Variants in CDH13 observed in about 807,000 individuals in gnomAD.
CDH13 encodes the protein cadherin-13.
Under a neutral mutation model 63.8 loss-of-function variants are expected in CDH13, and 24 were observed. That is an observed-to-expected ratio of 0.38 (90% CI 0.27 to 0.53). The LOEUF (loss-of-function observed/expected upper bound fraction) is 0.53, where lower values mean the gene tolerates loss of function less well. Ranked by LOEUF, CDH13 falls within the 20% of genes least tolerant of loss-of-function variation. CDH13 has a pLI of 0.85. For missense variants in CDH13, 1,049 were observed against 903.1 expected, an observed-to-expected ratio of 1.16 and a Z score of -2.07; for synonymous variants, 503 against 355.3, an observed-to-expected ratio of 1.42 and a Z score of -4.67.
intron 8 of CDH13, among the ~76,000 whole-genome samples, chr16:83,652,902 G>C (rs1022890620): frequency 2.0e-5 from 3 of 152,142 alleles, no homozygotes; most frequent in Non-Finnish European, 2.9e-5. Context: ...AACAGTTCCA[G>C]GTCCATCAAC....
At chr16:83,102,948 C>CTTTTTTTTTTTTTCTTTTTCTTTTT (rs2034565986) in intron 3 of CDH13, among the ~76,000 whole-genome samples, 2 of 69,028 alleles carry the variant, frequency 2.9e-5, no homozygotes. Context: ...TTTTCTTTTT[C>CTTTTTTTTTTTTTCTTTTTCTTTTT]TTTTTTTTTT....
At chr16:82,925,362 C>T (rs1455219375) in intron 2 of CDH13, among the ~76,000 whole-genome samples, 1 of 152,146 alleles carries the variant, frequency 6.6e-6, no homozygotes, top group Non-Finnish European at 1.5e-5. Flanking sequence ...CCCTGTGTTG[C>T]CAGTCCCACC....
chr16:83,455,926 T>C (rs1442247395), intron 6 of CDH13, among the ~76,000 whole-genome samples: 5 of 152,226 alleles, frequency 3.3e-5, no homozygotes, highest in Non-Finnish European at 7.3e-5. Context: ...TCCAATTAAT[T>C]TCATCAACAG....
At chr16:82,992,872 G>T (rs1221176441) in intron 2 of CDH13, among the ~76,000 whole-genome samples, 1 of 152,172 alleles carries the variant, frequency 6.6e-6, no homozygotes, top group Non-Finnish European at 1.5e-5. Context: ...TGGTAAAAAT[G>T]AAGATGCTGG....
intron 1 of CDH13, among the ~76,000 whole-genome samples, chr16:82,788,644 A>G (rs889520317): frequency 1.3e-5 from 2 of 152,150 alleles, no homozygotes; most frequent in Admixed American, 6.5e-5. Context: ...CCCTCGTTCT[A>G]TCTATAGGCC....
Position 83,465,820 on chromosome 16 carries a change from G to A in CDH13, c.782-20657G>A, listed in dbSNP as rs78142627. Among the ~76,000 whole-genome samples the A allele has an allele frequency of 2.9e-3, 437 of 152,288 alleles. 2 individuals are homozygous for A. The highest frequency in any genetic ancestry group is 9.5e-3 in the African/African-American group (393 of 41,558). ...AGCACAATTCACAGGTGTATCAGCCGAGGAAGCATCTCACAAACTCTATTC... is the reference window on the plus strand; with the variant it reads ...AGCACAATTCACAGGTGTATCAGCCAAGGAAGCATCTCACAAACTCTATTC... On this transcript the variant is annotated intron_variant, in intron 6 of 13. Coordinates refer to ENST00000567109, the MANE Select transcript of CDH13 (RefSeq NM_001257.5).
intron 2 of CDH13, among the ~76,000 whole-genome samples, chr16:82,885,133 G>C (rs2040838533): frequency 1.3e-5 from 2 of 152,214 alleles, no homozygotes; most frequent in East Asian, 3.8e-4. Flanking sequence ...ACTTTTGCAA[G>C]AGATGGATAC....
intron 2 of CDH13, among the ~76,000 whole-genome samples, chr16:82,997,963 C>G (rs1484363181): frequency 2.6e-5 from 4 of 152,068 alleles, no homozygotes; most frequent in African/African-American, 7.2e-5. Flanking sequence ...TATATTTAAC[C>G]TACTTAGAAA....
At chr16:83,693,974 C>T (rs560760051) in intron 10 of CDH13, among the ~76,000 whole-genome samples, 1 of 152,138 alleles carries the variant, frequency 6.6e-6, no homozygotes, top group African/African-American at 2.4e-5. Flanking sequence ...CAAAAGAGGA[C>T]GTGACAATTC....
rs371552389 is a variant in CDH13 at position 83,032,346 on chromosome 16, C to T, written c.366+128C>T. 8.4e-5 allele frequency: 61 copies of T among 727,096 alleles called. No individual in the cohort carries two copies. In the African/African-American group the frequency reaches 9.2e-4, roughly 11 times the overall value. 45.0% of individuals were successfully genotyped at this position (727,096 alleles called of 1,614,324 possible). A position where few individuals can be genotyped will look rare whatever the true frequency, so the allele number is the denominator to read the frequency against. Reference sequence around the variant, plus strand: ...CTTTTGTTATTGTTGTTGCAAATGACAGAAATCCAACTCTAAAAATGTAGA... The same window carrying T: ...CTTTTGTTATTGTTGTTGCAAATGATAGAAATCCAACTCTAAAAATGTAGA... On this transcript the variant is annotated intron_variant, in intron 3 of 13. Coordinates refer to ENST00000567109, the MANE Select transcript of CDH13 (RefSeq NM_001257.5).
intron 2 of CDH13, among the ~76,000 whole-genome samples, chr16:82,876,864 A>G (rs2040523947): frequency 6.6e-6 from 1 of 152,224 alleles, no homozygotes; most frequent in African/African-American, 2.4e-5. Flanking sequence ...AGCCCAAACA[A>G]GGGGAGGACT....
Position 83,520,438 on chromosome 16 carries a change from A to C in CDH13, c.960+33783A>C, listed in dbSNP as rs572871445. 8.0e-4 allele frequency among the ~76,000 whole-genome samples: 122 copies of C among 152,292 alleles called. 3 individuals carry two copies. In the South Asian group the frequency reaches 0.023, roughly 28 times the overall value. ...TGTTCTCTCAGTCTGGGTATTAGTT[A>C]CATGGATATATACTTAAGTGGGCTG... On this transcript the variant is annotated intron_variant, in intron 7 of 13. Transcript: ENST00000567109.
intron 1 of CDH13, among the ~76,000 whole-genome samples, chr16:82,793,233 A>T (rs537213880): frequency 6.6e-5 from 10 of 152,304 alleles, no homozygotes; most frequent in African/African-American, 2.2e-4. Flanking sequence ...CAGCATGGGG[A>T]ATTTCAATCA....
chr16:83,290,870 C>G (rs981362224), intron 5 of CDH13, among the ~76,000 whole-genome samples: 2 of 152,138 alleles, frequency 1.3e-5, no homozygotes, highest in Admixed American at 6.5e-5. Flanking sequence ...TCTCTGCCTA[C>G]TGCCTAGAAT....
chr16:82,701,993 C>T (rs2031068359), intron 1 of CDH13, among the ~76,000 whole-genome samples: 1 of 152,142 alleles, frequency 6.6e-6, no homozygotes, highest in Non-Finnish European at 1.5e-5. Flanking sequence ...GAATAAGCGG[C>T]TTACAAAGAG....
At chr16:82,814,619 C>G (rs1019487279) in intron 1 of CDH13, among the ~76,000 whole-genome samples, 2 of 152,164 alleles carry the variant, frequency 1.3e-5, no homozygotes, top group Non-Finnish European at 2.9e-5. Flanking sequence ...CCCTATGCAT[C>G]TCTTGGTGTG....
intron 2 of CDH13, among the ~76,000 whole-genome samples, chr16:82,994,694 A>T (rs1418100678): frequency 6.6e-6 from 1 of 152,210 alleles, no homozygotes; most frequent in Non-Finnish European, 1.5e-5. Context: ...TGAAACTACC[A>T]ATCTCCATTG....
intron 11 of CDH13, among the ~76,000 whole-genome samples, chr16:83,765,220 G>A (rs1473675332): frequency 6.6e-6 from 1 of 152,090 alleles, no homozygotes; most frequent in Non-Finnish European, 1.5e-5. Context: ...CCAGGCAGAG[G>A]GTAGAGTCCC....
chr16:83,344,790 C>G (rs1479451432), intron 5 of CDH13, 72 bp from the exon 6 acceptor site: 4 of 1,557,156 alleles, frequency 2.6e-6, no homozygotes, highest in Non-Finnish European at 3.5e-6. Flanking sequence ...CCTACTTTCT[C>G]TAGAGAACCT....
Sources: allele counts gnomAD v4.1 joint callset (sites outside exome capture counted in the v4.1 genomes callset), GRCh38; gene constraint gnomAD v4.1.1; transcripts MANE v1.5; gene names NCBI Gene and HGNC (gene_info 2026-07-23, HGNC 2026-07-21).